The following PHF10 variants were observed in gnomAD, a reference collection of about 807,000 sequenced individuals.
PHF10 encodes PHD finger protein 10, also known as BRG1-associated factor 45a.
In PHF10, 51 loss-of-function variants were observed where a neutral mutation model predicts 68.5. That is an observed-to-expected ratio of 0.74 (90% confidence interval 0.59 to 0.94). The LOEUF is 0.94. PHF10 is among the 40% of genes least tolerant of loss of function. The pLI is 0.00. For synonymous variants in PHF10, 204 were observed against 203.5 expected, an observed-to-expected ratio of 1.00 and a Z score of -0.02; for missense variants, 460 against 602.6, an observed-to-expected ratio of 0.76 and a Z score of 2.48.
At chr6:169,722,524 T>C (rs1789204171) in intron 1 of PHF10, among the ~76,000 whole-genome samples, 1 of 152,240 alleles carries the variant, frequency 6.6e-6, no homozygotes, top group East Asian at 1.9e-4. Flanking sequence ...AAATGCAAAG[T>C]GCTCAAAAAA....
At position 169,712,481 on chromosome 6, in the gene PHF10, G is replaced by A. The variant is rs761711784; in HGVS notation, c.862C>T (p.Leu288=). ...PLNTALYEPP[L]DPELPALDSD... is the part of the protein sequence containing the mutation. ...TCTAGAGCAGGGAGCTCAGGATCCA[G>A]AGGGGGCTCATACAGGGCTGTGTTT... is the stretch of plus-strand genomic sequence containing the variant. Residue 288 remains leucine (L), a synonymous_variant, in exon 8 of 12, where the codon CTG becomes TTG. Coordinates refer to ENST00000339209, the MANE Select transcript of PHF10 (RefSeq NM_018288.4). 43 of 1,613,826 alleles carry A rather than the reference G, an allele frequency of 2.7e-5. No homozygotes were observed. In the South Asian group the frequency reaches 4.6e-4, roughly 17 times the overall value.
At chr6:169,704,161 T>G (rs1269602732) in intron 11 of PHF10, 73 bp from the exon 12 acceptor site, 1 of 1,117,628 alleles carries the variant, frequency 8.9e-7, no homozygotes, top group African/African-American at 1.6e-5. Flanking sequence ...ATCTAAACTC[T>G]TCTGCCTTAG....
intron 6 of PHF10, among the ~76,000 whole-genome samples, chr6:169,715,061 T>G: frequency 6.6e-6 from 1 of 152,208 alleles, no homozygotes; most frequent in East Asian, 1.9e-4. Flanking sequence ...GCAGTGGATC[T>G]CTTGCTCACT....
At chr6:169,712,028 T>C (rs1018468581) in intron 8 of PHF10, among the ~76,000 whole-genome samples, 1 of 152,156 alleles carries the variant, frequency 6.6e-6, no homozygotes, top group Non-Finnish European at 1.5e-5. Context: ...ATTAAGCAAA[T>C]GCACTCCCCT....
At chr6:169,709,943 CT>C (rs1413390548) in intron 9 of PHF10, 1 of 194,552 alleles carries the variant, frequency 5.1e-6, no homozygotes, top group Non-Finnish European at 1.0e-5. Flanking sequence ...AAACTTCTGC[CT>C]ATGAAATAAT....
At chr6:169,714,283 CTCA>C (rs1351628104) in intron 7 of PHF10, among the ~76,000 whole-genome samples, 1 of 152,230 alleles carries the variant, frequency 6.6e-6, no homozygotes, top group Non-Finnish European at 1.5e-5. Context: ...CGCTCCTTCT[CTCA>C]TCTTCTCTGC....
At position 169,714,798 on chromosome 6, in the gene PHF10, C is replaced by A. The variant is rs141042911; in HGVS notation, c.738G>T (p.Glu246Asp). 5.2e-5 allele frequency: 83 copies of A among 1,607,380 alleles called. No individual in the cohort carries two copies. The highest frequency in any genetic ancestry group is 6.4e-5 in the Non-Finnish European group (75 of 1,174,024). Residue 246 changes from glutamate to aspartate, a missense_variant, in exon 7 of 12, where the codon GAG (glutamate) becomes GAT (aspartate). Around this residue, in one of 3 missense-constraint regions of PHF10, gnomAD observed 256 missense variants for 410.5 expected, o/e 0.62. Transcript: ENST00000339209. The part of the protein sequence containing the change: ...PQGKYKVLPT[E>D]RTKVSSYPVA... ...CTGGGTAAGAACTGACCTTTGTTCG[C>A]TCTGTTGGCAAAACTTTGTACTTCC...
At chr6:169,705,072 T>C (rs1021808089) in intron 11 of PHF10, 61 bp downstream of exon 11, 5 of 1,300,468 alleles carry the variant, frequency 3.8e-6, no homozygotes, top group Non-Finnish European at 5.3e-6. Flanking sequence ...ATGCAGCCTT[T>C]TGGAGTGCTG....
chr6:169,711,972 G>A (rs1219564755), intron 8 of PHF10, among the ~76,000 whole-genome samples: 1 of 151,784 alleles, frequency 6.6e-6, no homozygotes, highest in Non-Finnish European at 1.5e-5. Flanking sequence ...CCAACAAATT[G>A]TACAACATAT....
At position 169,705,686 on chromosome 6, in the gene PHF10, C is replaced by T. The variant is rs1199374859; in HGVS notation, c.1152G>A (p.Leu384=). 58 of 1,592,674 alleles carry T rather than the reference C, an allele frequency of 3.6e-5. No individual in the cohort carries two copies. Among genetic ancestry groups the T allele is most frequent in the Non-Finnish European group, 5.0e-5 (58 of 1,160,674 alleles). Residue 384 remains leucine, a synonymous_variant, in exon 10 of 12, where the codon CTG becomes CTA. Coordinates refer to ENST00000339209, the MANE Select transcript of PHF10 (RefSeq NM_018288.4). ...VIPNAICGIC[L]KGKESNKKGK... Reference sequence around the variant, plus strand: ...CTTTCTTGTTGGACTCCTTACCCTTCAGACAAATTCCACATATAGCATTTG... The same window carrying T: ...CTTTCTTGTTGGACTCCTTACCCTTTAGACAAATTCCACATATAGCATTTG...
In PHF10 at chr6:169,705,174, C is replaced by A. The variant is rs199609575; in HGVS notation, c.1370G>T (p.Gly457Val). The A allele has an allele frequency of 5.6e-6, 9 of 1,612,286 alleles. No individual in the cohort carries two copies. Among genetic ancestry groups the A allele is most frequent in the Non-Finnish European group, 7.6e-6 (9 of 1,179,254 alleles). ...EMMFCDMCDRGYHTFCVGLGA... is the reference protein window; with the variant it reads ...EMMFCDMCDRVYHTFCVGLGA... ...AAGGCCCACACAAAAAGTATGATAA[C>A]CTCTGTCACACATATCACAGAACAT... Residue 457 changes from glycine to valine, a missense_variant, in exon 11 of 12, where the codon GGT becomes GTT. By Grantham distance (109) the Gly-to-Val change is moderately radical (BLOSUM62 -3). Coordinates refer to ENST00000339209, the MANE Select transcript of PHF10 (RefSeq NM_018288.4).
intron 8 of PHF10, among the ~76,000 whole-genome samples, chr6:169,711,008 CT>C (rs1256328324): frequency 1.3e-5 from 2 of 152,010 alleles, no homozygotes; most frequent in African/African-American, 4.8e-5. Context: ...TTAAAATGTT[CT>C]AATTAGAACT....
chr6:169,723,825 C>T lies in PHF10; in HGVS notation c.87+20G>A. The T allele has an allele frequency of 1.1e-6, 1 of 933,660 alleles. No individual in the cohort carries two copies. Among genetic ancestry groups the T allele is most frequent in the Non-Finnish European group, 1.3e-6 (1 of 744,794 alleles). 57.8% of individuals were successfully genotyped at this position (933,660 alleles called of 1,614,324 possible). On this transcript the variant is annotated intron_variant, in intron 1 of 11. Transcript: ENST00000339209. ...GCCCGGGACGGGGTCAGGGTCGGGTCGCACCGGCCGCTTCCTCACCTTCGG... is the reference window on the plus strand; with the variant it reads ...GCCCGGGACGGGGTCAGGGTCGGGTTGCACCGGCCGCTTCCTCACCTTCGG...
chr6:169,717,712 G>A (rs1025126264), intron 4 of PHF10, 111 bp downstream of exon 4: 2 of 599,970 alleles, frequency 3.3e-6, no homozygotes, highest in Non-Finnish European at 6.0e-6. Context: ...CATTTAAATA[G>A]TTCAATTTAT....
In PHF10 at chr6:169,704,060, C is replaced by G; in HGVS notation, c.1440G>C (p.Arg480=). ...CCACTTTCCTGGGTGTTGGGGGGGC[C>G]CGCTGACAACAGTCACAAATCCAGC... ...SGRWICDCCQ[R]APPTPRKVGR... is the part of the protein sequence containing the mutation. Residue 480 remains arginine, a synonymous_variant, in exon 12 of 12, where the codon CGG becomes CGC. Coordinates refer to ENST00000339209, the MANE Select transcript of PHF10 (RefSeq NM_018288.4). 6.3e-7 allele frequency: 1 copy of G among 1,580,292 alleles called. No homozygotes were observed. Among genetic ancestry groups the G allele is most frequent in the Non-Finnish European group, 8.5e-7 (1 of 1,170,814 alleles).
chr6:169,711,827 C>T (rs967053980), intron 8 of PHF10, among the ~76,000 whole-genome samples: 1 of 152,118 alleles, frequency 6.6e-6, no homozygotes, highest in African/African-American at 2.4e-5. Flanking sequence ...AAATTCAAAG[C>T]CCTATGTCAT....
rs1471530286 is a variant in PHF10, at chr6:169,721,126, G to A, written c.88-15C>T. The A allele has an allele frequency of 4.6e-6, 6 of 1,317,066 alleles. No homozygotes were observed. Among genetic ancestry groups the A allele is most frequent in the Non-Finnish European group, 5.3e-6 (5 of 939,136 alleles). The allele number at this position is 1,317,066 out of a possible 1,614,324, so 81.6% of individuals were successfully genotyped here. The stretch of plus-strand genomic sequence containing the variant: ...TCATTATCATCCTATACATTTAAAA[G>A]ATTCAAAAATAATAATTAGAGAAAG... On this transcript the variant is annotated splice_polypyrimidine_tract_variant and intron_variant, in intron 1 of 11. Transcript: ENST00000339209.
chr6:169,705,692 A>G lies in PHF10; in HGVS notation c.1146T>C (p.Ile382=). 6.3e-7 allele frequency: 1 copy of G among 1,588,318 alleles called. No individual in the cohort carries two copies. The highest frequency in any genetic ancestry group is 8.6e-7 in the Non-Finnish European group (1 of 1,156,532). ...PKVIPNAICG[I]CLKGKESNKK... is the part of the protein sequence containing the mutation. The stretch of plus-strand genomic sequence containing the variant: ...TGTTGGACTCCTTACCCTTCAGACA[A>G]ATTCCACATATAGCATTTGGAATGA... Residue 382 remains isoleucine, a synonymous_variant, in exon 10 of 12, where the codon ATT becomes ATC. Coordinates refer to ENST00000339209, the MANE Select transcript of PHF10 (RefSeq NM_018288.4).
At chr6:169,712,267 T>C in intron 8 of PHF10, 119 bp downstream of exon 8, 4 of 895,834 alleles carry the variant, frequency 4.5e-6, no homozygotes, top group Admixed American at 2.2e-5. Context: ...TATTGATGAA[T>C]ACTTTCTGGA....
Sources: allele counts gnomAD v4.1 joint callset (sites outside exome capture counted in the v4.1 genomes callset), GRCh38; gene constraint gnomAD v4.1.1; regional missense constraint gnomAD v4.1.1; transcripts MANE v1.5; gene names NCBI Gene and HGNC (gene_info 2026-07-23, HGNC 2026-07-21).